The following PTPRD variants were observed in gnomAD, a reference collection of about 807,000 sequenced individuals.
PTPRD encodes protein tyrosine phosphatase receptor type D, also known as receptor-type tyrosine-protein phosphatase delta.
A neutral mutation model predicts 214.5 loss-of-function variants in PTPRD; 34 were observed. That is an observed-to-expected ratio of 0.16 (90% confidence interval 0.12 to 0.21). The LOEUF is 0.21. Among genes scored for constraint, PTPRD ranks in the 10% least tolerant of loss-of-function variants. The probability of loss-of-function intolerance (pLI) is 1.00; values close to 1 mark genes in which losing one functional copy is unlikely to be tolerated. For missense variants in PTPRD, 2,545 were observed against 2,398.7 expected (o/e 1.06, Z -1.27); for synonymous variants, 1,128 against 845.7 (o/e 1.33, Z -5.79).
At chr9:10,355,484 T>C (rs953300279) in intron 2 of PTPRD, among the ~76,000 whole-genome samples, 11 of 150,962 alleles carry the variant, frequency 7.3e-5, no homozygotes, top group African/African-American at 1.9e-4. Context: ...CTTTTCTTTT[T>C]TTTTTTTTTT....
At chr9:10,057,836 C>T (rs10809023) in intron 3 of PTPRD, among the ~76,000 whole-genome samples, 38,730 of 138,342 alleles carry the variant, frequency 0.28, 5,419 homozygotes, top group Middle Eastern at 0.36. Flanking sequence ...AGTGAGACTC[C>T]GTCTCAAAAA....
At chr9:9,918,627 G>C (rs527500127) in intron 5 of PTPRD, among the ~76,000 whole-genome samples, 1 of 152,018 alleles carries the variant, frequency 6.6e-6, no homozygotes, top group Non-Finnish European at 1.5e-5. Flanking sequence ...AAAACTGAAG[G>C]CGTGACGCTA....
At chr9:9,502,887 G>T (rs1161124884) in intron 8 of PTPRD, among the ~76,000 whole-genome samples, 1 of 151,854 alleles carries the variant, frequency 6.6e-6, no homozygotes. Flanking sequence ...CTATTCTATG[G>T]TGACAGAAAT....
At chr9:10,584,547 G>A (rs911194829) in intron 2 of PTPRD, among the ~76,000 whole-genome samples, 4 of 152,132 alleles carry the variant, frequency 2.6e-5, no homozygotes, top group Admixed American at 1.3e-4. Flanking sequence ...AGCCAGTGGT[G>A]AACCCAAGAA....
At chr9:10,449,433 A>G (rs833353) in intron 2 of PTPRD, among the ~76,000 whole-genome samples, 118,357 of 151,466 alleles carry the variant, frequency 0.78, 47,412 homozygotes, top group East Asian at 0.99. Flanking sequence ...CCAAAGTACC[A>G]AGATGGCAGC....
chr9:10,285,525 G>T (rs2095315002), intron 3 of PTPRD, among the ~76,000 whole-genome samples: 1 of 151,356 alleles, frequency 6.6e-6, no homozygotes, highest in Non-Finnish European at 1.5e-5. Flanking sequence ...TTGAAGCAAG[G>T]CTGCTTGGGT....
At chr9:9,497,163 G>A (rs1313351803) in intron 8 of PTPRD, among the ~76,000 whole-genome samples, 4 of 152,176 alleles carry the variant, frequency 2.6e-5, no homozygotes. Flanking sequence ...CGTCATGGAG[G>A]TGGATGGTGG....
chr9:8,954,044 A>G (rs914554727), intron 11 of PTPRD, among the ~76,000 whole-genome samples: 2 of 152,014 alleles, frequency 1.3e-5, no homozygotes, highest in Non-Finnish European at 2.9e-5. Context: ...ACATGCACTC[A>G]TATGTTCATT....
chr9:8,422,147 CAAAAAAA>C (rs768623202), intron 35 of PTPRD, among the ~76,000 whole-genome samples: 23 of 33,978 alleles, frequency 6.8e-4, no homozygotes, highest in Non-Finnish European at 1.0e-3. Context: ...ACCCTGTCTC[CAAAAAAA>C]AAAAAAAAAA....
intron 11 of PTPRD, among the ~76,000 whole-genome samples, chr9:8,798,955 A>G (rs2096509045): frequency 1.3e-5 from 2 of 152,288 alleles, no homozygotes; most frequent in African/African-American, 4.8e-5. Flanking sequence ...TGAATGCATA[A>G]GCCCAGCCTG....
At chr9:10,251,107 A>C (rs998614600) in intron 3 of PTPRD, among the ~76,000 whole-genome samples, 1 of 152,138 alleles carries the variant, frequency 6.6e-6, no homozygotes, top group Non-Finnish European at 1.5e-5. Context: ...ATATCAAATT[A>C]CTTAAAATTA....
chr9:9,126,241 A>ACT (rs1264097296), intron 10 of PTPRD, among the ~76,000 whole-genome samples: 14 of 152,204 alleles, frequency 9.2e-5, no homozygotes, highest in African/African-American at 3.4e-4. Context: ...AATACACTGA[A>ACT]GCTAACGACA....
intron 14 of PTPRD, among the ~76,000 whole-genome samples, chr9:8,562,802 T>C (rs1018297116): frequency 1.3e-5 from 2 of 152,082 alleles, no homozygotes; most frequent in African/African-American, 4.8e-5. Flanking sequence ...ATGTTTTTGG[T>C]GTTGTAGCTG....
At chr9:8,464,001 C>T (rs940458177) in intron 32 of PTPRD, among the ~76,000 whole-genome samples, 1 of 151,756 alleles carries the variant, frequency 6.6e-6, no homozygotes, top group Non-Finnish European at 1.5e-5. Flanking sequence ...AATAAAGGGG[C>T]AACTTCATTA....
intron 2 of PTPRD, among the ~76,000 whole-genome samples, chr9:10,377,923 G>A (rs554298466): frequency 2.0e-5 from 3 of 152,154 alleles, no homozygotes; most frequent in Admixed American, 6.6e-5. Context: ...GGGTGTATAT[G>A]TGGGAGTAGG....
chr9:10,059,901 A>G (rs1283011693), intron 3 of PTPRD, among the ~76,000 whole-genome samples: 1 of 152,082 alleles, frequency 6.6e-6, no homozygotes, highest in Admixed American at 6.6e-5. Flanking sequence ...GACAATGGCA[A>G]AAATGTTATT....
At chr9:9,396,356 G>C (rs190240452) in intron 9 of PTPRD, among the ~76,000 whole-genome samples, 1 of 151,986 alleles carries the variant, frequency 6.6e-6, no homozygotes, top group East Asian at 1.9e-4. Context: ...CATATTATTG[G>C]GCCTTACTTC....
At chr9:10,380,931 T>C (rs1171974942) in intron 2 of PTPRD, among the ~76,000 whole-genome samples, 2 of 151,956 alleles carry the variant, frequency 1.3e-5, no homozygotes, top group East Asian at 3.9e-4. Context: ...TTGAAAATAG[T>C]TTTTCACAGG....
At chr9:8,828,120 G>A (rs1035554864) in intron 11 of PTPRD, among the ~76,000 whole-genome samples, 1 of 152,170 alleles carries the variant, frequency 6.6e-6, no homozygotes, top group Non-Finnish European at 1.5e-5. Context: ...TGATTATGAA[G>A]TACACAGAGC....
Sources: gnomAD v4.1 joint callset for allele counts (sites outside exome capture counted in the v4.1 genomes callset) on GRCh38, gnomAD v4.1.1 for gene constraint, MANE v1.5 for transcripts, NCBI Gene and HGNC (gene_info 2026-07-23, HGNC 2026-07-21) for gene names.